Variants in NRXN3 observed in about 807,000 individuals in gnomAD.
NRXN3 encodes the protein neurexin 3, also known as neurexin III.
In NRXN3, 32 loss-of-function variants were observed where a neutral mutation model predicts 137.6. The observed-to-expected ratio is 0.23, with a 90% confidence interval of 0.18 to 0.31. The LOEUF (loss-of-function observed/expected upper bound fraction) is 0.31. Among genes scored for constraint, NRXN3 ranks in the 10% least tolerant of loss-of-function variants. The pLI is 1.00. For synonymous variants in NRXN3, 798 were observed against 784.5 expected (o/e 1.02, Z -0.29); for missense variants, 1,574 against 2,062.5 (o/e 0.76, Z 4.59).
At chr14:79,151,142 T>G (rs907895230) in intron 15 of NRXN3, among the ~76,000 whole-genome samples, 1 of 152,014 alleles carries the variant, frequency 6.6e-6, no homozygotes, top group African/African-American at 2.4e-5. Flanking sequence ...CCTGATTGAT[T>G]GATGTTGAAA....
intron 1 of NRXN3, among the ~76,000 whole-genome samples, chr14:78,216,192 A>ATT (rs77589968): frequency 2.0e-5 from 3 of 150,306 alleles, no homozygotes; most frequent in Non-Finnish European, 3.0e-5. Flanking sequence ...TCAAAGACAG[A>ATT]TTTTTTTTTT....
intron 1 of NRXN3, among the ~76,000 whole-genome samples, chr14:78,219,582 T>C (rs2063628043): frequency 6.6e-6 from 1 of 152,206 alleles, no homozygotes; most frequent in Non-Finnish European, 1.5e-5. Context: ...CGTCTTAATT[T>C]TCCCCACCTC....
chr14:78,183,408 A>G (rs1481385158), intron 1 of NRXN3, among the ~76,000 whole-genome samples: 2 of 152,184 alleles, frequency 1.3e-5, no homozygotes, highest in Admixed American at 1.3e-4. Context: ...CCCTGGCCCA[A>G]CTGAGCTGAC....
chr14:79,058,672 C>T (rs2099669438), intron 15 of NRXN3, among the ~76,000 whole-genome samples: 1 of 152,074 alleles, frequency 6.6e-6, no homozygotes, highest in South Asian at 2.1e-4. Flanking sequence ...TCTGTGTCCC[C>T]ACCCAAATCT....
chr14:79,678,187 G>A (rs891341391), intron 17 of NRXN3, among the ~76,000 whole-genome samples: 2 of 152,054 alleles, frequency 1.3e-5, no homozygotes, highest in Non-Finnish European at 2.9e-5. Flanking sequence ...ATAGCTAGCT[G>A]TTGATTAAAG....
At chr14:78,284,001 G>A (rs1596771996) in intron 3 of NRXN3, among the ~76,000 whole-genome samples, 1 of 152,164 alleles carries the variant, frequency 6.6e-6, no homozygotes. Flanking sequence ...GCAAAATGGG[G>A]ACAATAAGAG....
chr14:79,112,608 C>T (rs2053730676), intron 15 of NRXN3, among the ~76,000 whole-genome samples: 1 of 152,192 alleles, frequency 6.6e-6, no homozygotes, highest in African/African-American at 2.4e-5. Flanking sequence ...GAAATAAGCA[C>T]TTTCAGAAGT....
At chr14:78,834,803 TA>T (rs1479475529) in intron 10 of NRXN3, among the ~76,000 whole-genome samples, 2 of 152,152 alleles carry the variant, frequency 1.3e-5, no homozygotes. Flanking sequence ...TTTGGAAGGT[TA>T]AGGAGCAAGT....
chr14:78,809,102 A>G (rs900163847), intron 9 of NRXN3, among the ~76,000 whole-genome samples: 1 of 152,050 alleles, frequency 6.6e-6, no homozygotes, highest in Non-Finnish European at 1.5e-5. Flanking sequence ...TTTTCTGCCC[A>G]GTCCCCTACT....
At chr14:79,764,423 T>A (rs1002026689) in intron 19 of NRXN3, among the ~76,000 whole-genome samples, 1 of 152,172 alleles carries the variant, frequency 6.6e-6, no homozygotes, top group African/African-American at 2.4e-5. Flanking sequence ...AATAATTGCA[T>A]TGTAAATATT....
intron 1 of NRXN3, among the ~76,000 whole-genome samples, chr14:78,218,710 A>G (rs1233884682): frequency 6.6e-6 from 1 of 152,092 alleles, no homozygotes; most frequent in Non-Finnish European, 1.5e-5. Flanking sequence ...ACCTTCCCTC[A>G]TTTCTTTTTC....
intron 15 of NRXN3, among the ~76,000 whole-genome samples, chr14:79,071,587 T>A (rs1007169414): frequency 2.0e-5 from 3 of 152,198 alleles, no homozygotes; most frequent in African/African-American, 7.2e-5. Context: ...TGAATGGATC[T>A]CATTTATTTG....
chr14:78,349,743 A>G (rs1348150040), intron 4 of NRXN3, among the ~76,000 whole-genome samples: 1 of 152,222 alleles, frequency 6.6e-6, no homozygotes, highest in East Asian at 1.9e-4. Context: ...TCAATATAGG[A>G]TAGCTGTTGT....
At position 79,637,729 on chromosome 14, in the gene NRXN3, C is replaced by CTTTTTTTTTTTTTTTTTTTTTTTT. The variant is rs554654576; in HGVS notation, c.3445-26031_3445-26030insTTTTTTTTTTTTTTTTTTTTTTTT. 2.4e-3 allele frequency among the ~76,000 whole-genome samples: 229 copies of CTTTTTTTTTTTTTTTTTTTTTTTT among 95,584 alleles called. 31 individuals carry two copies. Among genetic ancestry groups the CTTTTTTTTTTTTTTTTTTTTTTTT allele is most frequent in the Middle Eastern group, 8.6e-3 (1 of 116 alleles). The allele number at this position is 95,584 out of a possible 152,430, so 62.7% of individuals were successfully genotyped here. On this transcript the variant is annotated intron_variant, in intron 16 of 20. Transcript: ENST00000335750. ...AACTGATGTAAGATATAGAAAAGTT[C>CTTTTTTTTTTTTTTTTTTTTTTTT]TTTTTTTTTTTTTTTTTTGAGATGG...
chr14:78,706,848 C>T (rs1458904470), intron 6 of NRXN3, among the ~76,000 whole-genome samples: 1 of 152,180 alleles, frequency 6.6e-6, no homozygotes, highest in Non-Finnish European at 1.5e-5. Context: ...CATTAGAATG[C>T]AAACAGCTTT....
At chr14:78,832,223 C>T (rs1022101496) in intron 10 of NRXN3, among the ~76,000 whole-genome samples, 43 of 152,012 alleles carry the variant, frequency 2.8e-4, no homozygotes, top group Admixed American at 7.9e-4. Context: ...CTTAAACCTG[C>T]CAAAGGTAAT....
At chr14:78,942,925 AT>A (rs1417092920) in intron 10 of NRXN3, among the ~76,000 whole-genome samples, 1 of 151,736 alleles carries the variant, frequency 6.6e-6, no homozygotes, top group Admixed American at 6.6e-5. Flanking sequence ...AAACAAAAAA[AT>A]AAATATTCTG....
intron 4 of NRXN3, among the ~76,000 whole-genome samples, chr14:78,497,785 T>G (rs1315087659): frequency 6.6e-6 from 1 of 152,204 alleles, no homozygotes; most frequent in African/African-American, 2.4e-5. Context: ...GCCCATTACT[T>G]TAGCTATATG....
chr14:78,465,420 G>T (rs560878366), intron 4 of NRXN3, among the ~76,000 whole-genome samples: 2 of 152,198 alleles, frequency 1.3e-5, no homozygotes, highest in African/African-American at 4.8e-5. Flanking sequence ...TAAGAAACTG[G>T]ATATGAAACT....
Sources: gnomAD v4.1 joint callset for allele counts (sites outside exome capture counted in the v4.1 genomes callset) on GRCh38, gnomAD v4.1.1 for gene constraint, MANE v1.5 for transcripts, NCBI Gene and HGNC (gene_info 2026-07-23, HGNC 2026-07-21) for gene names.